The following ADAMTS13 variants were observed in gnomAD, a reference collection of about 807,000 sequenced individuals.
ADAMTS13 encodes A disintegrin and metalloproteinase with thrombospondin motifs 13.
ADAMTS13 carries 110 observed loss-of-function variants against 155.1 expected under a neutral mutation model. The ratio of observed to expected loss-of-function variants is 0.71; its 90% confidence interval spans 0.61 to 0.83. ADAMTS13 has a LOEUF of 0.83. Ranked by LOEUF, ADAMTS13 falls within the 40% of genes least tolerant of loss-of-function variation. The pLI is 0.00. For missense variants in ADAMTS13, 1,707 were observed against 1,891.7 expected (o/e 0.90, Z 1.81); for synonymous variants, 758 against 756.4 (o/e 1.00, Z -0.03).
At chr9:133,435,562 C>T (rs1841130354) in intron 11 of ADAMTS13, among the ~76,000 whole-genome samples, 2 of 148,736 alleles carry the variant, frequency 1.3e-5, no homozygotes, top group Non-Finnish European at 3.0e-5. Context: ...TGGAGTCTCG[C>T]TCTGTCGCCC....
rs900791747 is a variant in ADAMTS13 at position 133,441,939 on chromosome 9, C to A, written c.1969-460C>A. On this transcript the variant is annotated intron_variant, in intron 16 of 28. Coordinates refer to ENST00000355699, the MANE Select transcript of ADAMTS13 (RefSeq NM_139027.6). The surrounding 1 kb of genome is among the most constrained non-coding windows in gnomAD (Gnocchi z 5.0). ...TCCTCTACCCAGCCAGCTTAGGGAA[C>A]CTTCTCTGTGCTGCCCAAATACCCT... Among the ~76,000 whole-genome samples the A allele has an allele frequency of 1.3e-5, 2 of 152,204 alleles. No individual in the cohort carries two copies. The highest frequency in any genetic ancestry group is 2.9e-5 in the Non-Finnish European group (2 of 68,042).
intron 6 of ADAMTS13, among the ~76,000 whole-genome samples, chr9:133,428,427 T>C (rs782228568): frequency 1.1e-4 from 16 of 152,304 alleles, no homozygotes; most frequent in Non-Finnish European, 2.2e-4. Context: ...CGCTCCCTTC[T>C]GGGGGAAACT....
chr9:133,431,151 G>A (rs1474191531), intron 8 of ADAMTS13, among the ~76,000 whole-genome samples: 1 of 151,114 alleles, frequency 6.6e-6, no homozygotes, highest in Non-Finnish European at 1.5e-5. Flanking sequence ...TTTTTGTAGA[G>A]ATGGGGTCTC....
At chr9:133,450,773 CA>C (rs1156595570) in intron 23 of ADAMTS13, among the ~76,000 whole-genome samples, 1 of 152,052 alleles carries the variant, frequency 6.6e-6, no homozygotes, top group African/African-American at 2.4e-5. Context: ...CAAAACAAAA[CA>C]AGACGGGGTG....
At position 133,456,248 on chromosome 9, in the gene ADAMTS13, G is replaced by A; in HGVS notation, c.3547+33G>A. On this transcript the variant is annotated intron_variant, in intron 26 of 28. Transcript: ENST00000355699. This position sits in a 1 kb window ranked among gnomAD's most constrained non-coding sequence, Gnocchi z 4.4. ...TAGGGCCATGCAAGCGATGCTGCCA[G>A]TTATGGGCCCTGCCAGGAGCCAGCA... The A allele has an allele frequency of 6.2e-7, 1 of 1,613,048 alleles. No individual in the cohort carries two copies. The highest frequency in any genetic ancestry group is 8.5e-7 in the Non-Finnish European group (1 of 1,180,000).
rs587698944 is a variant in ADAMTS13 at position 133,441,302 on chromosome 9, G to C, written c.1968+777G>C. 1.3e-5 allele frequency among the ~76,000 whole-genome samples: 2 copies of C among 152,298 alleles called. No individual in the cohort carries two copies. Among genetic ancestry groups the C allele is most frequent in the South Asian group, 4.1e-4 (2 of 4,830 alleles). On this transcript the variant is annotated intron_variant, in intron 16 of 28. Coordinates refer to ENST00000355699, the MANE Select transcript of ADAMTS13 (RefSeq NM_139027.6). The surrounding 1 kb of genome is among the most constrained non-coding windows in gnomAD (Gnocchi z 5.0). ...ACAGATCAGGCCAGGCCGGGCCAAA[G>C]CAAGCCCCTGTGAGCGGCTTATCCC...
chr9:133,451,019 C>T (rs587666947), intron 23 of ADAMTS13, among the ~76,000 whole-genome samples: 5 of 152,296 alleles, frequency 3.3e-5, no homozygotes, highest in South Asian at 2.1e-4. Context: ...CACTAGGACA[C>T]GGGACAGAAT....
Position 133,425,967 on chromosome 9 carries a change from C to G in ADAMTS13, c.444C>G (p.Thr148=). The part of the protein sequence containing the change: ...EGAPNITANL[T]SSLLSVCGWS... Reference sequence around the variant, plus strand: ...CTCCAAATATCACAGCCAACCTCACCTCGTCCCTGCTGAGCGTCTGTGGGT... The same window carrying G: ...CTCCAAATATCACAGCCAACCTCACGTCGTCCCTGCTGAGCGTCTGTGGGT... The change falls in exon 5 of 29, where the codon ACC becomes ACG. Residue 148 remains threonine, a synonymous_variant. Coordinates refer to ENST00000355699, the MANE Select transcript of ADAMTS13 (RefSeq NM_139027.6). This position sits in a 1 kb window ranked among gnomAD's most constrained non-coding sequence, Gnocchi z 4.6. 6.2e-7 allele frequency: 1 copy of G among 1,613,880 alleles called. No homozygotes were observed. Among genetic ancestry groups the G allele is most frequent in the Non-Finnish European group, 8.5e-7 (1 of 1,180,036 alleles).
chr9:133,458,844 G>A, intron 28 of ADAMTS13, 130 bp from the exon 29 acceptor site: 1 of 846,594 alleles, frequency 1.2e-6, no homozygotes. Context: ...TAGAGTAATG[G>A]CGTATTCCTA....
intron 21 of ADAMTS13, among the ~76,000 whole-genome samples, chr9:133,448,114 T>G (rs1040905062): frequency 2.0e-5 from 3 of 151,924 alleles, no homozygotes; most frequent in African/African-American, 7.3e-5. Flanking sequence ...CTCAGCCTCC[T>G]GAGTAGCTGG....
intron 21 of ADAMTS13, among the ~76,000 whole-genome samples, chr9:133,447,404 C>T (rs782424765): frequency 6.6e-6 from 1 of 152,112 alleles, no homozygotes; most frequent in African/African-American, 2.4e-5. Context: ...CCATCCTCCC[C>T]CCTCAGCCTC....
intron 28 of ADAMTS13, among the ~76,000 whole-genome samples, chr9:133,458,559 A>AAAAAAAAG (rs1842888648): frequency 6.7e-6 from 1 of 149,750 alleles, no homozygotes; most frequent in Non-Finnish European, 1.5e-5. Context: ...CTGTCTCAAA[A>AAAAAAAAG]AAAAAAAAAA....
chr9:133,420,603 T>A (rs944661974), upstream of ADAMTS13, among the ~76,000 whole-genome samples: 1 of 152,168 alleles, frequency 6.6e-6, no homozygotes, highest in Admixed American at 6.5e-5. Context: ...TCACAGTCGA[T>A]GGGTTGATTC....
At chr9:133,432,835 G>A (rs1318517235) in intron 9 of ADAMTS13, 143 bp downstream of exon 9, 1 of 849,654 alleles carries the variant, frequency 1.2e-6, no homozygotes, top group Admixed American at 2.0e-5. Context: ...CTGTCCTTTG[G>A]GTTGGTGGTC....
At chr9:133,422,227 A>G, upstream of ADAMTS13, 1 of 608,752 alleles carries the variant, frequency 1.6e-6, no homozygotes, top group South Asian at 1.9e-5. Flanking sequence ...CCTGAACTGC[A>G]ACCATCTTAG....
chr9:133,458,555 C>CAAAAAAAA (rs10699153), intron 28 of ADAMTS13, among the ~76,000 whole-genome samples: 30,321 of 55,920 alleles, frequency 0.54, 10,446 homozygotes, highest in East Asian at 0.82. Flanking sequence ...GACTCTGTCT[C>CAAAAAAAA]AAAAAAAAAA....
rs1840471034 is a variant in ADAMTS13 at position 133,428,762 on chromosome 9, G to C, written c.815G>C (p.Ser272Thr). 1.5e-6 allele frequency: 2 copies of C among 1,346,858 alleles called. No homozygotes were observed. The highest frequency in any genetic ancestry group is 3.3e-5 in the East Asian group (1 of 30,082). The allele number at this position is 1,346,858 out of a possible 1,614,324, so 83.4% of individuals were successfully genotyped here. A position where few individuals can be genotyped will look rare whatever the true frequency, so the allele number is the denominator to read the frequency against. Reference protein sequence around the residue: ...WSPCSRRQLLSLLSAGRARCV... With the variant: ...WSPCSRRQLLTLLSAGRARCV... ...CCCTGCAGCCGCCGGCAGCTGCTGAGCCTGCTCAGGTAGCGGCCGCCCCGT... is the reference window on the plus strand; with the variant it reads ...CCCTGCAGCCGCCGGCAGCTGCTGACCCTGCTCAGGTAGCGGCCGCCCCGT... Residue 272 changes from serine to threonine, a missense_variant, in exon 7 of 29, where the codon AGC becomes ACC. Ser to Thr is a moderately conservative substitution (Grantham distance 58). Around this residue, in one of 3 missense-constraint regions of ADAMTS13, gnomAD observed 733 missense variants for 749.6 expected, o/e 0.98. Coordinates refer to ENST00000355699, the MANE Select transcript of ADAMTS13 (RefSeq NM_139027.6).
chr9:133,442,848 G>T, intron 18 of ADAMTS13, 105 bp downstream of exon 18: 1 of 1,465,430 alleles, frequency 6.8e-7, no homozygotes, highest in South Asian at 1.4e-5. Context: ...GGGCCGGGCT[G>T]AGCTGCTCCT....
intron 28 of ADAMTS13, among the ~76,000 whole-genome samples, chr9:133,458,578 C>T (rs1435206518): frequency 1.2e-4 from 6 of 49,938 alleles, no homozygotes; most frequent in Admixed American, 2.2e-4. Flanking sequence ...AAAAAAAAAG[C>T]GAAATGGTAA....
Sources: gnomAD v4.1 joint callset for allele counts (sites outside exome capture counted in the v4.1 genomes callset) on GRCh38, gnomAD v4.1.1 for gene constraint, gnomAD v4.1.1 regional missense constraint, Gnocchi (gnomAD v3.1) non-coding constraint, MANE v1.5 for transcripts, NCBI Gene and HGNC (gene_info 2026-07-23, HGNC 2026-07-21) for gene names.